Variants in ASPG observed in about 807,000 individuals in gnomAD.
ASPG encodes the protein 60 kDa lysophospholipase.
Under a neutral mutation model 63.2 loss-of-function variants are expected in ASPG, and 53 were observed. The observed-to-expected ratio is 0.84, with a 90% confidence interval of 0.67 to 1.05. The LOEUF is 1.05. Ranked by LOEUF, ASPG falls within the 50% of genes least tolerant of loss-of-function variation. The pLI is 0.00. For synonymous variants in ASPG, 370 were observed against 355.0 expected, an observed-to-expected ratio of 1.04 and a Z score of -0.48; for missense variants, 741 against 794.4, an observed-to-expected ratio of 0.93 and a Z score of 0.81.
intron 2 of ASPG, 169 bp from the exon 3 acceptor site, chr14:104,093,322 G>A (rs2036434812): frequency 1.5e-6 from 1 of 688,578 alleles, no homozygotes; most frequent in East Asian, 2.7e-5. Context: ...CAGGTGGAAG[G>A]GGGGCCGGGC....
chr14:104,094,671 T>G (rs1479061976), intron 3 of ASPG, among the ~76,000 whole-genome samples: 1 of 152,124 alleles, frequency 6.6e-6, no homozygotes, highest in African/African-American at 2.4e-5. Flanking sequence ...GACCCTCCAT[T>G]TGTAGCCGGC....
At chr14:104,097,060 C>T (rs1229488484) in intron 4 of ASPG, among the ~76,000 whole-genome samples, 1 of 152,306 alleles carries the variant, frequency 6.6e-6, no homozygotes, top group South Asian at 2.1e-4. Context: ...CACCCCTCAC[C>T]CCCACCACCC....
chr14:104,087,636 T>C (rs1420464920), intron 1 of ASPG, among the ~76,000 whole-genome samples: 1 of 152,158 alleles, frequency 6.6e-6, no homozygotes. Context: ...ACCTGGGGAC[T>C]CTGTGTGGGG....
rs1188120416 is a variant in ASPG at position 104,091,679 on chromosome 14, C to T, written c.83-954C>T. On this transcript the variant is annotated intron_variant, in intron 1 of 15. Coordinates refer to ENST00000551177, the MANE Select transcript of ASPG (RefSeq NM_001080464.3). The surrounding 1 kb of genome is among the most constrained non-coding windows in gnomAD (Gnocchi z 6.4). ...GCTGGAGGGATATTAGAGGGGGCTG[C>T]TTTAACTTGCCAAGTTTGGGGTTAA... Among the ~76,000 whole-genome samples, 4 of 152,002 alleles carry T rather than the reference C, an allele frequency of 2.6e-5. No homozygotes were observed. The highest frequency in any genetic ancestry group is 9.7e-5 in the African/African-American group (4 of 41,380).
chr14:104,105,420 C>G lies in ASPG; in HGVS notation c.1143C>G (p.Val381=). The stretch of plus-strand genomic sequence containing the variant: ...AGGGCAACACGCTGGGCGGTGGGGT[C>G]TCCTGGCTCCTCAGTCTGAGCGGCA... ...SLQGNTLGGG[V]SWLLSLSGSQ... Residue 381 remains valine, a synonymous_variant, in exon 10 of 16, where the codon GTC becomes GTG. Transcript: ENST00000551177. The G allele has an allele frequency of 6.2e-7, 1 of 1,608,514 alleles. No individual in the cohort carries two copies. The highest frequency in any genetic ancestry group is 8.5e-7 in the Non-Finnish European group (1 of 1,177,944).
In ASPG at chr14:104,097,577, C is replaced by T. The variant is rs773776675; in HGVS notation, c.453C>T (p.Ser151=). The T allele has an allele frequency of 4.8e-5, 74 of 1,557,722 alleles. No individual in the cohort carries two copies. In the South Asian group the frequency reaches 7.7e-4, roughly 16 times the overall value. Residue 151 remains serine, a synonymous_variant, in exon 5 of 16, where the codon AGC becomes AGT. Coordinates refer to ENST00000551177, the MANE Select transcript of ASPG (RefSeq NM_001080464.3). ...GAQVPIHALW[S]DGRENLLGAL... is the part of the protein sequence containing the mutation. ...AGGTGCCCATCCATGCCCTGTGGAG[C>T]GACGGCCGTGAGAACCTGCTGGGGG...
At chr14:104,094,807 G>A (rs909151045) in intron 3 of ASPG, among the ~76,000 whole-genome samples, 8 of 152,224 alleles carry the variant, frequency 5.3e-5, no homozygotes, top group African/African-American at 1.7e-4. Flanking sequence ...CCAGCCTGCC[G>A]TCTTGCCGCG....
rs989307221 is a variant in ASPG at position 104,109,831 on chromosome 14, C to T, written c.1520+516C>T. 3.9e-5 allele frequency among the ~76,000 whole-genome samples: 6 copies of T among 152,060 alleles called. No individual in the cohort carries two copies. Among genetic ancestry groups the T allele is most frequent in the South Asian group, 2.1e-4 (1 of 4,820 alleles). On this transcript the variant is annotated intron_variant, in intron 13 of 15. Coordinates refer to ENST00000551177, the MANE Select transcript of ASPG (RefSeq NM_001080464.3). The surrounding 1 kb of genome is among the most constrained non-coding windows in gnomAD (Gnocchi z 4.8). The stretch of plus-strand genomic sequence containing the variant: ...CTAGGCCCCGCCTCCACCTGCTGGC[C>T]GCATGGCACCAGTGGCCAGTGTGCC...
chr14:104,092,856 A>C, intron 2 of ASPG, 115 bp downstream of exon 2: 1 of 841,362 alleles, frequency 1.2e-6, no homozygotes. Context: ...CCCTGTCTCT[A>C]ACATCCCCTC....
chr14:104,098,022 T>TAC (rs2036690743), intron 5 of ASPG, among the ~76,000 whole-genome samples: 1 of 111,736 alleles, frequency 8.9e-6, no homozygotes, highest in Non-Finnish European at 1.9e-5. Flanking sequence ...ATGGAGGTTC[T>TAC]GCGTTAGAGA....
intron 7 of ASPG, among the ~76,000 whole-genome samples, 187 bp from the exon 8 acceptor site, chr14:104,104,117 G>C (rs1291880206): frequency 6.6e-6 from 1 of 152,252 alleles, no homozygotes; most frequent in African/African-American, 2.4e-5. Flanking sequence ...GAGAATGTGG[G>C]GGGAGCAGCC....
Position 104,095,616 on chromosome 14 carries a change from T to G in ASPG, c.389T>G (p.Leu130Arg). Reference sequence around the variant, plus strand: ...GCTGCCTCGATGCTGTCCTTCATGCTGGAGAACCTGCAGAAGACTGTCATC... The same window carrying G: ...GCTGCCTCGATGCTGTCCTTCATGCGGGAGAACCTGCAGAAGACTGTCATC... ...AFAASMLSFM[L>R]ENLQKTVILT... The change falls in exon 4 of 16, where the codon CTG becomes CGG. Residue 130 changes from leucine (L) to arginine (R), a missense_variant. Transcript: ENST00000551177. 1 of 1,613,080 alleles carries G rather than the reference T, an allele frequency of 6.2e-7. No homozygotes were observed. Among genetic ancestry groups the G allele is most frequent in the Non-Finnish European group, 8.5e-7 (1 of 1,179,806 alleles).
chr14:104,100,799 C>A (rs891085397), intron 6 of ASPG, among the ~76,000 whole-genome samples: 1 of 152,140 alleles, frequency 6.6e-6, no homozygotes, highest in Non-Finnish European at 1.5e-5. Flanking sequence ...GGCTTGCTTG[C>A]CCATGCTGGA....
rs1228303113 is a variant in ASPG at position 104,100,258 on chromosome 14, C to A, written c.640+1279C>A. 2.6e-5 allele frequency among the ~76,000 whole-genome samples: 4 copies of A among 152,298 alleles called. 1 individual carries two copies. The highest frequency in any genetic ancestry group is 2.6e-4 in the Admixed American group (4 of 15,300). ...AAGGGTCTGGCAGGGCAGGGGCCTTCCTGGAGCATCTACCAGAAGTCGGGG... is the reference window on the plus strand; with the variant it reads ...AAGGGTCTGGCAGGGCAGGGGCCTTACTGGAGCATCTACCAGAAGTCGGGG... On this transcript the variant is annotated intron_variant, in intron 6 of 15. Coordinates refer to ENST00000551177, the MANE Select transcript of ASPG (RefSeq NM_001080464.3).
At position 104,099,550 on chromosome 14, in the gene ASPG, T is replaced by G. The variant is rs530859304; in HGVS notation, c.640+571T>G. On this transcript the variant is annotated intron_variant, in intron 6 of 15. Coordinates refer to ENST00000551177, the MANE Select transcript of ASPG (RefSeq NM_001080464.3). ...CACCTGAGACGCAGGGCCACTCCAG[T>G]GGCCTGCCCGGAAGTCACTCCCTGG... Among the ~76,000 whole-genome samples the G allele has an allele frequency of 4.6e-5, 7 of 152,288 alleles. No individual in the cohort carries two copies. The East Asian group carries it at 1.4e-3, about 29-fold the overall frequency.
chr14:104,105,426 GCTC>G lies in ASPG; in HGVS notation c.1153_1155del (p.Leu385del). The G allele has an allele frequency of 6.2e-7, 1 of 1,607,704 alleles. No individual in the cohort carries two copies. Among genetic ancestry groups the G allele is most frequent in the Non-Finnish European group, 8.5e-7 (1 of 1,177,554 alleles). On this transcript the variant is annotated inframe_deletion, in exon 10 of 16. Coordinates refer to ENST00000551177, the MANE Select transcript of ASPG (RefSeq NM_001080464.3). ...ACACGCTGGGCGGTGGGGTCTCCTG[GCTC>G]CTCAGTCTGAGCGGCAGCCAGGTAA...
Position 104,110,548 on chromosome 14 carries a change from G to A in ASPG, c.1521-954G>A, listed in dbSNP as rs898915691. Reference sequence around the variant, plus strand: ...GCTGCTGGCTGGACTTGAGCCCCTCGGCTAGGCCTTCCTAGGGGCCGGTGT... The same window carrying A: ...GCTGCTGGCTGGACTTGAGCCCCTCAGCTAGGCCTTCCTAGGGGCCGGTGT... On this transcript the variant is annotated intron_variant, in intron 13 of 15. Transcript: ENST00000551177. The surrounding 1 kb of genome is among the most constrained non-coding windows in gnomAD (Gnocchi z 4.7). 4 of 985,338 alleles carry A rather than the reference G, an allele frequency of 4.1e-6. No individual in the cohort carries two copies. Among genetic ancestry groups the A allele is most frequent in the Non-Finnish European group, 4.8e-6 (4 of 829,888 alleles). The allele number at this position is 985,338 out of a possible 1,614,324, so 61.0% of individuals were successfully genotyped here.
In ASPG at chr14:104,085,770, C is replaced by T. The variant is rs2036204636; in HGVS notation, c.-1C>T. 6.3e-7 allele frequency: 1 copy of T among 1,578,416 alleles called. No homozygotes were observed. Among genetic ancestry groups the T allele is most frequent in the South Asian group, 1.1e-5 (1 of 87,774 alleles). On this transcript the variant is annotated 5_prime_UTR_variant, in exon 1 of 16. Transcript: ENST00000551177. ...TCCACTCCCGTGGTCCCCGGTCCGGCATGGCGCGCGCGGTGGGGCCCGAGC... is the reference window on the plus strand; with the variant it reads ...TCCACTCCCGTGGTCCCCGGTCCGGTATGGCGCGCGCGGTGGGGCCCGAGC...
chr14:104,105,265 A>G, intron 9 of ASPG, 63 bp from the exon 10 acceptor site: 1 of 1,611,642 alleles, frequency 6.2e-7, no homozygotes, highest in South Asian at 1.1e-5. Context: ...CCGACCCTCC[A>G]GGCTGTCCTG....
Sources: allele counts gnomAD v4.1 joint callset (sites outside exome capture counted in the v4.1 genomes callset), GRCh38; gene constraint gnomAD v4.1.1; non-coding constraint Gnocchi (gnomAD v3.1); transcripts MANE v1.5; gene names NCBI Gene and HGNC (gene_info 2026-07-23, HGNC 2026-07-21).